The following PFKL variants were observed in gnomAD, a reference collection of about 807,000 sequenced individuals.
PFKL encodes the protein phosphofructokinase, liver type.
A neutral mutation model predicts 92.1 loss-of-function variants in PFKL; 74 were observed. That is an observed-to-expected ratio of 0.80 (90% CI 0.67 to 0.97). The LOEUF (loss-of-function observed/expected upper bound fraction) is 0.97, where lower values mean the gene tolerates loss of function less well. PFKL is among the 50% of genes least tolerant of loss of function. PFKL has a pLI of 0.00. For synonymous variants in PFKL, 494 were observed against 456.4 expected (o/e 1.08, Z -1.05); for missense variants, 1,028 against 1,116.6 (o/e 0.92, Z 1.13).
Position 44,319,811 on chromosome 21 carries a change from C to G in PFKL, c.1128-273C>G, listed in dbSNP as rs148222851. On this transcript the variant is annotated intron_variant, in intron 11 of 21. Transcript: ENST00000349048. ...GACGTCTGGGTTCCCATGCGTGCCT[C>G]CACCCGCTACCAAGGTGGCCAACCC... The G allele has an allele frequency of 4.4e-4, 229 of 515,212 alleles. 1 individual carries two copies. In the East Asian group the frequency reaches 7.2e-3, roughly 16 times the overall value. 31.9% of individuals were successfully genotyped at this position (515,212 alleles called of 1,614,324 possible). A position where few individuals can be genotyped will look rare whatever the true frequency, so the allele number is the denominator to read the frequency against.
chr21:44,312,891 G>A, intron 4 of PFKL, 87 bp from the exon 5 acceptor site: 1 of 1,434,330 alleles, frequency 7.0e-7, no homozygotes, highest in Non-Finnish European at 9.7e-7. Context: ...CTGGGATGCG[G>A]GGGAAGGGGT....
chr21:44,325,740 G>T, intron 19 of PFKL: 1 of 567,974 alleles, frequency 1.8e-6, no homozygotes, highest in Non-Finnish European at 3.1e-6. Context: ...AGGGGCAGCC[G>T]ACTGCCGGCC....
intron 4 of PFKL, 57 bp downstream of exon 4, chr21:44,312,351 A>C: frequency 6.9e-7 from 1 of 1,453,630 alleles, no homozygotes; most frequent in East Asian, 2.7e-5. Context: ...CGCTGCTGCC[A>C]GGCGTGGGAA....
intron 15 of PFKL, 34 bp downstream of exon 15, chr21:44,323,083 G>A (rs375449723): frequency 4.2e-5 from 65 of 1,553,618 alleles, no homozygotes; most frequent in Middle Eastern, 1.7e-4. Flanking sequence ...AAGCCCCAGG[G>A]CACAGGAGAC....
intron 5 of PFKL, 105 bp from the exon 6 acceptor site, chr21:44,313,533 C>G (rs1262475920): frequency 5.6e-5 from 61 of 1,092,656 alleles, no homozygotes; most frequent in Non-Finnish European, 8.2e-5. Context: ...GGGCTGTCCC[C>G]TGCCTGCCTC....
Position 44,324,631 on chromosome 21 carries a change from C to T in PFKL, c.1791C>T (p.Asp597=). ...VGADAAYVFE[D]PFNIHDLKVN... is the part of the protein sequence containing the mutation. ...CCGACGCCGCCTACGTCTTCGAGGA[C>T]CCTTTCAACATCCACGACTTAAAGG... is the stretch of plus-strand genomic sequence containing the variant. Residue 597 remains aspartate, a synonymous_variant, in exon 17 of 22, where the codon GAC becomes GAT. Coordinates refer to ENST00000349048, the MANE Select transcript of PFKL (RefSeq NM_002626.6). 6.2e-7 allele frequency: 1 copy of T among 1,602,998 alleles called. No homozygotes were observed. Among genetic ancestry groups the T allele is most frequent in the Non-Finnish European group, 8.5e-7 (1 of 1,174,052 alleles).
chr21:44,319,729 T>C, intron 11 of PFKL: 1 of 531,880 alleles, frequency 1.9e-6, no homozygotes, highest in Non-Finnish European at 3.4e-6. Context: ...CTGGCAGATG[T>C]TGGGTGTGGG....
At chr21:44,323,705 T>A in intron 15 of PFKL, 61 bp from the exon 16 acceptor site, 1 of 1,545,330 alleles carries the variant, frequency 6.5e-7, no homozygotes, top group South Asian at 1.2e-5. Context: ...CGGCAGAGCC[T>A]GTCCCCGGCC....
Position 44,313,030 on chromosome 21 carries a change from C to T in PFKL, c.480C>T (p.Gly160=). 1 of 1,613,158 alleles carries T rather than the reference C, an allele frequency of 6.2e-7. No homozygotes were observed. The highest frequency in any genetic ancestry group is 8.5e-7 in the Non-Finnish European group (1 of 1,179,928). ...CCTACTCGCACCTGAACATCGCGGG[C>T]CTAGTGGGCTCCATCGATAACGACT... ...ARTYSHLNIA[G]LVGSIDNDFC... is the part of the protein sequence containing the mutation. The change falls in exon 5 of 22, where the codon GGC becomes GGT. Residue 160 remains glycine, a synonymous_variant. Transcript: ENST00000349048.
chr21:44,325,567 G>A (rs947471616), intron 19 of PFKL: 10 of 527,104 alleles, frequency 1.9e-5, no homozygotes, highest in Non-Finnish European at 2.8e-5. Flanking sequence ...CTAGATCCCC[G>A]CATGCTCCCT....
chr21:44,320,228 G>T, intron 12 of PFKL, 81 bp downstream of exon 12: 1 of 1,268,128 alleles, frequency 7.9e-7, no homozygotes, highest in South Asian at 1.3e-5. Flanking sequence ...CCGTGGCTGG[G>T]CCTGCCTGCC....
chr21:44,326,019 T>C lies in PFKL; in HGVS notation c.2048T>C (p.Met683Thr), dbSNP rs1008624355. The C allele has an allele frequency of 3.7e-6, 6 of 1,613,850 alleles. No individual in the cohort carries two copies. Among genetic ancestry groups the C allele is most frequent in the Middle Eastern group, 3.3e-4 (2 of 6,062 alleles). ...GGGACCAAGCTGGGGGTGAAGGCCA[T>C]GCTGTGGTTGTCGGAGAAGCTGCGC... ...NYGTKLGVKA[M>T]LWLSEKLREV... The change falls in exon 20 of 22, where the codon ATG (methionine) becomes ACG (threonine). Residue 683 changes from methionine to threonine, a missense_variant. Transcript: ENST00000349048.
At chr21:44,319,202 C>A in intron 10 of PFKL, 149 bp from the exon 11 acceptor site, 1 of 668,514 alleles carries the variant, frequency 1.5e-6, no homozygotes, top group Non-Finnish European at 2.7e-6. Context: ...TGGTGGTGAC[C>A]GCTGTTCCTA....
intron 1 of PFKL, chr21:44,305,451 GT>G: frequency 1.5e-6 from 2 of 1,300,310 alleles, no homozygotes; most frequent in Non-Finnish European, 2.1e-6. Flanking sequence ...GTACAGGGGG[GT>G]GGGAGGGCAG....
In PFKL at chr21:44,300,140, C is replaced by A; in HGVS notation, c.35C>A (p.Ser12Ter). The change falls in exon 1 of 22, where the codon TCG becomes TAG. Residue 12 changes from serine (S) to a stop codon, truncating the protein, a stop_gained. Transcript: ENST00000349048. LOFTEE classifies it high-confidence loss of function. ...GTGGACCTGGAGAAGCTGCGGGCGT[C>A]GGGCGCGGGCAAGGCCATCGGCGTC... Reference protein sequence around the residue: ...AAVDLEKLRASGAGKAIGVLT... With the variant: ...AAVDLEKLRA The A allele has an allele frequency of 1.7e-6, 2 of 1,192,352 alleles. No homozygotes were observed. Among genetic ancestry groups the A allele is most frequent in the South Asian group, 1.8e-5 (1 of 55,662 alleles). The allele number at this position is 1,192,352 out of a possible 1,614,324, so 73.9% of individuals were successfully genotyped here. A position where few individuals can be genotyped will look rare whatever the true frequency, so the allele number is the denominator to read the frequency against.
At position 44,327,348 on chromosome 21, in the gene PFKL, CTG is replaced by C. The variant is rs1162518910; in HGVS notation, c.*489_*490del. 2 of 176,928 alleles carry C rather than the reference CTG, an allele frequency of 1.1e-5. No homozygotes were observed. Among genetic ancestry groups the C allele is most frequent in the African/African-American group, 2.3e-5 (1 of 42,654 alleles). 11.0% of individuals were successfully genotyped at this position (176,928 alleles called of 1,614,324 possible). ...TTTTCTAGAAATAAAATCACCCTGA[CTG>C]TGGGGTGCATCGGTCTCCGGAGAGC... On this transcript the variant is annotated 3_prime_UTR_variant, in exon 22 of 22. Coordinates refer to ENST00000349048, the MANE Select transcript of PFKL (RefSeq NM_002626.6).
At chr21:44,326,380 TG>T (rs2146035625) in intron 21 of PFKL, 116 bp downstream of exon 21, 2 of 770,998 alleles carry the variant, frequency 2.6e-6, no homozygotes, top group East Asian at 2.7e-5. Flanking sequence ...CAAGGCCTCC[TG>T]GGCCCCCATG....
rs1467273151 is a variant in PFKL, at chr21:44,325,516, C to A, written c.1989+252C>A. The A allele has an allele frequency of 5.3e-6, 3 of 565,704 alleles. No individual in the cohort carries two copies. In the South Asian group the frequency reaches 6.2e-5, roughly 12 times the overall value. The allele number at this position is 565,704 out of a possible 1,614,324, so 35.0% of individuals were successfully genotyped here. A position where few individuals can be genotyped will look rare whatever the true frequency, so the allele number is the denominator to read the frequency against. ...CACATGCTGAGCCGAGCTCCCCACC[C>A]CTGCCAGGCCTCCCGCGGCCACTTC... On this transcript the variant is annotated intron_variant, in intron 19 of 21. Transcript: ENST00000349048.
chr21:44,319,282 G>A lies in PFKL; in HGVS notation c.1063-69G>A. On this transcript the variant is annotated intron_variant, in intron 10 of 21. Transcript: ENST00000349048. Reference sequence around the variant, plus strand: ...AGATCTGCCCTCGTCAGGCCCACCAGACAGGGCAGTAGCCATGGGTGTGCG... The same window carrying A: ...AGATCTGCCCTCGTCAGGCCCACCAAACAGGGCAGTAGCCATGGGTGTGCG... The A allele has an allele frequency of 2.2e-6, 3 of 1,371,744 alleles. No individual in the cohort carries two copies. The Admixed American group carries it at 5.0e-5, about 23-fold the overall frequency. 85.0% of individuals were successfully genotyped at this position (1,371,744 alleles called of 1,614,324 possible).
Sources: gnomAD v4.1 joint callset for allele counts on GRCh38, gnomAD v4.1.1 for gene constraint, MANE v1.5 for transcripts, NCBI Gene and HGNC (gene_info 2026-07-23, HGNC 2026-07-21) for gene names.